The following EXOC6B variants were observed in gnomAD, a reference collection of about 807,000 sequenced individuals.
EXOC6B encodes the protein exocyst complex component 6B, also known as SEC15 homolog B.
A neutral mutation model predicts 113.5 loss-of-function variants in EXOC6B; 54 were observed. That is an observed-to-expected ratio of 0.48 (90% confidence interval 0.38 to 0.60). The LOEUF is 0.60. Ranked by LOEUF, EXOC6B falls within the 20% of genes least tolerant of loss-of-function variation. EXOC6B has a pLI of 0.00. For missense variants in EXOC6B, 797 were observed against 977.5 expected (o/e 0.82, Z 2.46); for synonymous variants, 357 against 339.0 (o/e 1.05, Z -0.58).
intron 7 of EXOC6B, among the ~76,000 whole-genome samples, chr2:72,565,603 A>G (rs1321337787): frequency 1.3e-5 from 2 of 152,146 alleles, no homozygotes; most frequent in Non-Finnish European, 2.9e-5. Flanking sequence ...CCAATAATGA[A>G]GAAAAAAACC....
At chr2:72,369,779 C>T (rs1317006258) in intron 19 of EXOC6B, among the ~76,000 whole-genome samples, 45 of 152,174 alleles carry the variant, frequency 3.0e-4, no homozygotes, top group Non-Finnish European at 3.4e-4. Context: ...CCCTATTTAA[C>T]AAATGGTGCT....
intron 20 of EXOC6B, among the ~76,000 whole-genome samples, chr2:72,188,881 C>T (rs1200100245): frequency 2.0e-5 from 3 of 152,188 alleles, no homozygotes; most frequent in Non-Finnish European, 4.4e-5. Flanking sequence ...TATTCTACCC[C>T]ACATGCTCCA....
Position 72,307,161 on chromosome 2 carries a change from G to GTTTTTTTTTTTTTTTTTTTTTT in EXOC6B, c.2196+27785_2196+27786insAAAAAAAAAAAAAAAAAAAAAA, listed in dbSNP as rs1553371308. Among the ~76,000 whole-genome samples, 277 of 128,446 alleles carry GTTTTTTTTTTTTTTTTTTTTTT rather than the reference G, an allele frequency of 2.2e-3. 33 individuals are homozygous for GTTTTTTTTTTTTTTTTTTTTTT. Among genetic ancestry groups the GTTTTTTTTTTTTTTTTTTTTTT allele is most frequent in the African/African-American group, 0.01 (264 of 26,156 alleles). The allele number at this position is 128,446 out of a possible 152,430, so 84.3% of individuals were successfully genotyped here. On this transcript the variant is annotated intron_variant, in intron 20 of 21. Coordinates refer to ENST00000272427, the MANE Select transcript of EXOC6B (RefSeq NM_015189.3). Reference sequence around the variant, plus strand: ...TCCATGACTGCAATGGTATAGTCCAGTTTTTTTTTTTTTGAGACGGAGTCT... The same window carrying GTTTTTTTTTTTTTTTTTTTTTT: ...TCCATGACTGCAATGGTATAGTCCAGTTTTTTTTTTTTTTTTTTTTTTTTTTTTTTTTTTTGAGACGGAGTCT...
At chr2:72,736,791 C>T (rs1465425454) in intron 2 of EXOC6B, among the ~76,000 whole-genome samples, 1 of 152,082 alleles carries the variant, frequency 6.6e-6, no homozygotes, top group East Asian at 1.9e-4. Flanking sequence ...TATCATGGAC[C>T]AGGGCACCAA....
intron 20 of EXOC6B, among the ~76,000 whole-genome samples, chr2:72,280,333 C>T (rs1051882458): frequency 6.6e-6 from 1 of 152,054 alleles, no homozygotes; most frequent in African/African-American, 2.4e-5. Flanking sequence ...CTTCTTTTTA[C>T]ACACCTGTGC....
intron 18 of EXOC6B, among the ~76,000 whole-genome samples, chr2:72,401,548 TATATATATATATATATAC>T (rs1693219126): frequency 2.0e-4 from 3 of 15,370 alleles, no homozygotes; most frequent in Non-Finnish European, 3.2e-4. Flanking sequence ...TATATATGTG[TATATATATATATATATAC>T]ATATATATAT....
intron 6 of EXOC6B, among the ~76,000 whole-genome samples, chr2:72,671,799 G>GAAAGAAAGAAAGAAAGAAAGAA (rs1675877490): frequency 8.5e-6 from 1 of 117,612 alleles, no homozygotes; most frequent in Admixed American, 9.2e-5. Flanking sequence ...AAGAAAGAAA[G>GAAAGAAAGAAAGAAAGAAAGAA]AAAGAAAGAA....
chr2:72,394,221 T>G (rs1225516635), intron 18 of EXOC6B, among the ~76,000 whole-genome samples: 2 of 152,202 alleles, frequency 1.3e-5, no homozygotes, highest in Non-Finnish European at 2.9e-5. Flanking sequence ...TGTAAGTATT[T>G]TATGAATGCA....
At chr2:72,430,442 C>A (rs1034828787) in intron 18 of EXOC6B, among the ~76,000 whole-genome samples, 1 of 152,168 alleles carries the variant, frequency 6.6e-6, no homozygotes, top group Non-Finnish European at 1.5e-5. Context: ...TTGAGACCAG[C>A]CTGGCCAACA....
At chr2:72,384,493 A>G (rs944160913) in intron 18 of EXOC6B, among the ~76,000 whole-genome samples, 2 of 152,118 alleles carry the variant, frequency 1.3e-5, no homozygotes, top group African/African-American at 4.8e-5. Context: ...TTTCTAATCT[A>G]CACAGTTCTG....
At chr2:72,232,177 G>A (rs976324094) in intron 20 of EXOC6B, among the ~76,000 whole-genome samples, 2 of 152,136 alleles carry the variant, frequency 1.3e-5, no homozygotes, top group South Asian at 4.2e-4. Context: ...GTTTCAATAC[G>A]TTGGCCAGGC....
chr2:72,265,269 ATACT>A (rs1683996836), intron 20 of EXOC6B, among the ~76,000 whole-genome samples: 1 of 146,178 alleles, frequency 6.8e-6, no homozygotes, highest in Non-Finnish European at 1.5e-5. Flanking sequence ...TATTATTATT[ATACT>A]TTAAGTTTGA....
chr2:72,623,682 C>T (rs75198047), intron 6 of EXOC6B, among the ~76,000 whole-genome samples: 1 of 152,142 alleles, frequency 6.6e-6, no homozygotes, highest in Non-Finnish European at 1.5e-5. Context: ...CCCAGCTGAC[C>T]AGCACCTTAA....
intron 20 of EXOC6B, among the ~76,000 whole-genome samples, chr2:72,266,962 G>T (rs568197336): frequency 6.6e-6 from 1 of 152,240 alleles, no homozygotes; most frequent in East Asian, 1.9e-4. Context: ...TCCTTGAAGA[G>T]GTCCTTCACG....
intron 20 of EXOC6B, among the ~76,000 whole-genome samples, chr2:72,232,322 G>T (rs919365242): frequency 3.3e-5 from 5 of 151,992 alleles, no homozygotes; most frequent in African/African-American, 1.2e-4. Flanking sequence ...ATTTAATACC[G>T]GTTATAGTGA....
chr2:72,693,865 A>G (rs554746636), intron 6 of EXOC6B, among the ~76,000 whole-genome samples: 15 of 147,914 alleles, frequency 1.0e-4, no homozygotes, highest in African/African-American at 3.8e-4. Context: ...TCCTTGTGCC[A>G]CTCATCCTTA....
intron 20 of EXOC6B, among the ~76,000 whole-genome samples, chr2:72,264,949 C>T (rs764568065): frequency 2.2e-4 from 34 of 152,070 alleles, no homozygotes; most frequent in Non-Finnish European, 3.5e-4. Flanking sequence ...AGCATGAGAA[C>T]ATACTAATAC....
In EXOC6B at chr2:72,741,435, T is replaced by A. The variant is rs780726943; in HGVS notation, c.148A>T (p.Met50Leu). Reference sequence around the variant, plus strand: ...CGGATACGAGTTTCAAGCTTCTCCATGAAACGTCCATGTTCTTCACCATCA... The same window carrying A: ...CGGATACGAGTTTCAAGCTTCTCCAAGAAACGTCCATGTTCTTCACCATCA... ...VYDGEEHGRF[M>L]EKLETRIRNH... The change falls in exon 2 of 22, where the codon ATG (methionine) becomes TTG (leucine). Residue 50 changes from methionine (M) to leucine (L), a missense_variant. Transcript: ENST00000272427. 6.2e-7 allele frequency: 1 copy of A among 1,613,548 alleles called. No individual in the cohort carries two copies. The highest frequency in any genetic ancestry group is 1.3e-5 in the African/African-American group (1 of 74,934).
chr2:72,476,252 G>T (rs1174661020), intron 17 of EXOC6B, among the ~76,000 whole-genome samples: 3 of 152,162 alleles, frequency 2.0e-5, no homozygotes, highest in Non-Finnish European at 4.4e-5. Context: ...TCGTATTAAG[G>T]AGTCTCCCTC....
Sources: gnomAD v4.1 joint callset for allele counts (sites outside exome capture counted in the v4.1 genomes callset) on GRCh38, gnomAD v4.1.1 for gene constraint, MANE v1.5 for transcripts, NCBI Gene and HGNC (gene_info 2026-07-23, HGNC 2026-07-21) for gene names.